Variants in ACTL8 observed in about 807,000 individuals in gnomAD.
ACTL8 encodes actin-like protein 8.
A neutral mutation model predicts 9.3 loss-of-function variants in ACTL8; 3 were observed. The observed-to-expected ratio is 0.32, with a 90% CI of 0.15 to 0.83. ACTL8 has a LOEUF of 0.83. Ranked by LOEUF, ACTL8 falls within the 40% of genes least tolerant of loss-of-function variation. The pLI is 0.57. For missense variants in ACTL8, 381 were observed against 492.2 expected (o/e 0.77, Z 2.14); for synonymous variants, 224 against 205.9 (o/e 1.09, Z -0.75).
Position 17,823,295 on chromosome 1 carries a change from C to G in ACTL8, c.287C>G (p.Pro96Arg), listed in dbSNP as rs760175883. 1 of 1,614,072 alleles carries G rather than the reference C, an allele frequency of 6.2e-7. No homozygotes were observed. The highest frequency in any genetic ancestry group is 8.5e-7 in the Non-Finnish European group (1 of 1,180,024). ...LENHRREQEV[P>R]PVIITETPLR... Reference sequence around the variant, plus strand: ...AACCACAGACGGGAGCAAGAGGTCCCCCCTGTGATCATCACGGAGACACCC... The same window carrying G: ...AACCACAGACGGGAGCAAGAGGTCCGCCCTGTGATCATCACGGAGACACCC... Residue 96 changes from proline to arginine, a missense_variant, in exon 2 of 3, where the codon CCC (proline) becomes CGC (arginine). Coordinates refer to ENST00000375406, the MANE Select transcript of ACTL8 (RefSeq NM_030812.3). The surrounding 1 kb of genome is among the most constrained non-coding windows in gnomAD (Gnocchi z 5.3).
intron 2 of ACTL8, among the ~76,000 whole-genome samples, chr1:17,825,518 C>T (rs1359583396): frequency 6.6e-6 from 1 of 152,212 alleles, no homozygotes; most frequent in African/African-American, 2.4e-5. Context: ...CAGAGCTCTT[C>T]TCACCTCTTC....
intron 1 of ACTL8, among the ~76,000 whole-genome samples, chr1:17,782,867 G>A (rs1434957291): frequency 6.6e-6 from 1 of 152,202 alleles, no homozygotes; most frequent in Non-Finnish European, 1.5e-5. Context: ...TGTGAAGCTA[G>A]TCCTCAGCTA....
At chr1:17,820,693 C>G (rs146823894) in intron 1 of ACTL8, among the ~76,000 whole-genome samples, 2,535 of 152,066 alleles carry the variant, frequency 0.017, 69 homozygotes, top group African/African-American at 0.058. Flanking sequence ...TCAGCCCCCC[C>G]AGTAGCTGGG....
chr1:17,763,190 A>C (rs1041683371), intron 1 of ACTL8, among the ~76,000 whole-genome samples: 1 of 152,108 alleles, frequency 6.6e-6, no homozygotes, highest in African/African-American at 2.4e-5. Context: ...GATGGCTTCT[A>C]TCGTGCTGAG....
chr1:17,791,424 A>G (rs2066238474), intron 1 of ACTL8, among the ~76,000 whole-genome samples: 1 of 148,610 alleles, frequency 6.7e-6, no homozygotes, highest in African/African-American at 2.4e-5. Context: ...TTCCAGGGCC[A>G]CACAATTAGG....
intron 1 of ACTL8, among the ~76,000 whole-genome samples, chr1:17,768,810 G>A (rs79733084): frequency 0.02 from 3,100 of 152,274 alleles, 102 homozygotes; most frequent in African/African-American, 0.07. Context: ...GCTAGGGAGT[G>A]GGGAGTGAGG....
At chr1:17,800,277 A>T (rs2066311289) in intron 1 of ACTL8, among the ~76,000 whole-genome samples, 1 of 152,190 alleles carries the variant, frequency 6.6e-6, no homozygotes. Flanking sequence ...TCAATTCTAA[A>T]ATAGTGTATA....
At chr1:17,762,863 G>A (rs756997761) in intron 1 of ACTL8, among the ~76,000 whole-genome samples, 5 of 152,088 alleles carry the variant, frequency 3.3e-5, no homozygotes, top group Non-Finnish European at 4.4e-5. Context: ...GTGGCCTCCC[G>A]GGGACTCAGT....
At chr1:17,793,183 C>CT (rs1289122367) in intron 1 of ACTL8, among the ~76,000 whole-genome samples, 1 of 152,210 alleles carries the variant, frequency 6.6e-6, no homozygotes, top group African/African-American at 2.4e-5. Flanking sequence ...ACTTCCCTCT[C>CT]TTTTGTGCCA....
intron 1 of ACTL8, among the ~76,000 whole-genome samples, chr1:17,797,480 C>T (rs1202857046): frequency 6.6e-6 from 1 of 152,190 alleles, no homozygotes; most frequent in African/African-American, 2.4e-5. Flanking sequence ...TGTTCTGTAA[C>T]CACCGTGCAT....
chr1:17,825,114 CA>C (rs1464611722), intron 2 of ACTL8, among the ~76,000 whole-genome samples: 6 of 118,096 alleles, frequency 5.1e-5, no homozygotes, highest in African/African-American at 1.7e-4. Context: ...GGGTGAGGAG[CA>C]GGGGGAGAAA....
chr1:17,819,596 G>A (rs1444280232), intron 1 of ACTL8, among the ~76,000 whole-genome samples: 2 of 152,208 alleles, frequency 1.3e-5, no homozygotes, highest in Admixed American at 6.5e-5. Flanking sequence ...CTGCCTTTCC[G>A]GAGGCCTCTC....
intron 1 of ACTL8, among the ~76,000 whole-genome samples, chr1:17,803,461 G>T (rs1448024365): frequency 1.3e-5 from 2 of 152,180 alleles, no homozygotes; most frequent in African/African-American, 2.4e-5. Flanking sequence ...TTTCTCAGTA[G>T]CTGAGATTAC....
At chr1:17,780,648 A>G (rs1280744297) in intron 1 of ACTL8, among the ~76,000 whole-genome samples, 1 of 150,436 alleles carries the variant, frequency 6.6e-6, no homozygotes, top group Non-Finnish European at 1.5e-5. Flanking sequence ...GGAGGGTGTG[A>G]GCCGATGGTG....
chr1:17,823,653 G>A lies in ACTL8; in HGVS notation c.348+297G>A, dbSNP rs543607820. Among the ~76,000 whole-genome samples the A allele has an allele frequency of 1.1e-4, 16 of 152,064 alleles. No individual in the cohort carries two copies. Among genetic ancestry groups the A allele is most frequent in the African/African-American group, 2.4e-4 (10 of 41,388 alleles). On this transcript the variant is annotated intron_variant, in intron 2 of 2. Coordinates refer to ENST00000375406, the MANE Select transcript of ACTL8 (RefSeq NM_030812.3). This position sits in a 1 kb window ranked among gnomAD's most constrained non-coding sequence, Gnocchi z 5.3. ...TGAGGTGGGAGGATCAGTTGAGCCC[G>A]GGAGGTCGAGAATAGAGTGAGCTGA...
intron 1 of ACTL8, among the ~76,000 whole-genome samples, chr1:17,822,205 T>C (rs1174174276): frequency 6.6e-6 from 1 of 151,998 alleles, no homozygotes; most frequent in Non-Finnish European, 1.5e-5. Context: ...TGGGTTTGAC[T>C]CTTAGCTCTG....
At chr1:17,805,371 CTTTTTCTTTTTTT>C (rs1393626233) in intron 1 of ACTL8, among the ~76,000 whole-genome samples, 10 of 120,860 alleles carry the variant, frequency 8.3e-5, no homozygotes, top group African/African-American at 3.1e-4. Context: ...TTTTCTTTTT[CTTTTTCTTTTTTT>C]TTTTTTTTTT....
At chr1:17,796,708 C>T (rs545310782) in intron 1 of ACTL8, among the ~76,000 whole-genome samples, 1 of 152,354 alleles carries the variant, frequency 6.6e-6, no homozygotes, top group South Asian at 2.1e-4. Context: ...ACCCCAGGTC[C>T]ACCCGGCTTC....
chr1:17,822,196 G>C (rs1343011655), intron 1 of ACTL8, among the ~76,000 whole-genome samples: 2 of 152,072 alleles, frequency 1.3e-5, no homozygotes. Context: ...AGTCTGGGTT[G>C]GGTTTGACTC....
Sources: allele counts gnomAD v4.1 joint callset (sites outside exome capture counted in the v4.1 genomes callset), GRCh38; gene constraint gnomAD v4.1.1; non-coding constraint Gnocchi (gnomAD v3.1); transcripts MANE v1.5; gene names NCBI Gene and HGNC (gene_info 2026-07-23, HGNC 2026-07-21).